The following PELI2 variants were observed in gnomAD, a reference collection of about 807,000 sequenced individuals.
PELI2 encodes E3 ubiquitin-protein ligase pellino homolog 2.
In PELI2, 23 loss-of-function variants were observed where a neutral mutation model predicts 42.3. The observed-to-expected ratio is 0.54, with a 90% CI of 0.39 to 0.77. The LOEUF (loss-of-function observed/expected upper bound fraction) is 0.77. PELI2 is among the 30% of genes least tolerant of loss of function. The probability of loss-of-function intolerance (pLI) is 0.00; values close to 1 mark genes in which losing one functional copy is unlikely to be tolerated. For synonymous variants in PELI2, 245 were observed against 212.2 expected (o/e 1.15, Z -1.34); for missense variants, 463 against 553.2 (o/e 0.84, Z 1.64).
chr14:56,257,087 C>T (rs1888552385), intron 2 of PELI2, among the ~76,000 whole-genome samples: 1 of 152,086 alleles, frequency 6.6e-6, no homozygotes. Flanking sequence ...ATATAGTGGG[C>T]ATCAAGGGCA....
intron 2 of PELI2, among the ~76,000 whole-genome samples, chr14:56,221,109 A>C (rs1887116853): frequency 6.6e-6 from 1 of 152,178 alleles, no homozygotes; most frequent in African/African-American, 2.4e-5. Flanking sequence ...CCGAAGTTGC[A>C]TTTCATAGAC....
At chr14:56,259,044 C>T (rs558047546) in intron 2 of PELI2, among the ~76,000 whole-genome samples, 1 of 151,914 alleles carries the variant, frequency 6.6e-6, no homozygotes, top group South Asian at 2.1e-4. Context: ...AGACCATGGA[C>T]CAACATCTTT....
intron 2 of PELI2, among the ~76,000 whole-genome samples, chr14:56,261,035 A>ATT (rs796161866): frequency 4.8e-5 from 7 of 144,988 alleles, no homozygotes; most frequent in East Asian, 2.0e-4. Flanking sequence ...GGATTGAGGT[A>ATT]TTTTTTTTTT....
At chr14:56,244,914 A>G (rs913583831) in intron 2 of PELI2, among the ~76,000 whole-genome samples, 16 of 152,228 alleles carry the variant, frequency 1.1e-4, no homozygotes, top group Non-Finnish European at 2.2e-4. Flanking sequence ...GAAATAAGAA[A>G]TAGAATTTTT....
In PELI2 at chr14:56,268,872, C is replaced by T. The variant is rs184729492; in HGVS notation, c.208-10804C>T. On this transcript the variant is annotated intron_variant, in intron 2 of 5. Transcript: ENST00000267460. ...TTTCAGATCTGCACCCCTGCTGCAT[C>T]GTCTCATGCTTTGTAGGGAGCTGCT... 2.2e-3 allele frequency among the ~76,000 whole-genome samples: 329 copies of T among 152,206 alleles called. 5 individuals carry two copies. The highest frequency in any genetic ancestry group is 1.7e-3 in the Non-Finnish European group (117 of 68,004).
intron 1 of PELI2, among the ~76,000 whole-genome samples, chr14:56,170,834 A>G (rs1263269958): frequency 6.6e-6 from 1 of 152,226 alleles, no homozygotes; most frequent in Non-Finnish European, 1.5e-5. Flanking sequence ...TGCTCTGCAT[A>G]TATGAAGAGT....
intron 2 of PELI2, among the ~76,000 whole-genome samples, chr14:56,268,861 C>G (rs559446938): frequency 6.6e-6 from 1 of 152,224 alleles, no homozygotes; most frequent in East Asian, 1.9e-4. Flanking sequence ...AGATCTGCAC[C>G]CCTGCTGCAT....
intron 1 of PELI2, 136 bp from the exon 2 acceptor site, chr14:56,178,199 T>C: frequency 1.3e-6 from 1 of 790,592 alleles, no homozygotes; most frequent in Non-Finnish European, 2.0e-6. Flanking sequence ...ATTGCAACCC[T>C]TTCCTTTTGT....
intron 2 of PELI2, among the ~76,000 whole-genome samples, chr14:56,272,818 G>A (rs776010431): frequency 7.2e-5 from 11 of 152,194 alleles, no homozygotes; most frequent in African/African-American, 2.4e-4. Context: ...CATAGACCCT[G>A]CTCTGTGTAG....
At chr14:56,123,883 G>C (rs1883152016) in intron 1 of PELI2, among the ~76,000 whole-genome samples, 1 of 152,244 alleles carries the variant, frequency 6.6e-6, no homozygotes, top group African/African-American at 2.4e-5. Context: ...TATATCTGCT[G>C]TGCAGGGCTT....
chr14:56,263,222 A>C (rs1431279957), intron 2 of PELI2, among the ~76,000 whole-genome samples: 3 of 152,100 alleles, frequency 2.0e-5, no homozygotes, highest in Admixed American at 2.0e-4. Flanking sequence ...TGGCCTCCCA[A>C]AGTGCTGGGA....
intron 2 of PELI2, among the ~76,000 whole-genome samples, chr14:56,258,141 C>T (rs1456158629): frequency 2.0e-5 from 3 of 152,128 alleles, no homozygotes; most frequent in Admixed American, 6.5e-5. Flanking sequence ...AGAGTGTCAC[C>T]TTAGTAATGA....
chr14:56,265,994 A>G (rs1377648358), intron 2 of PELI2, among the ~76,000 whole-genome samples: 3 of 152,066 alleles, frequency 2.0e-5, no homozygotes, highest in Admixed American at 2.0e-4. Context: ...AGATAAGTGA[A>G]TGAACAAATT....
chr14:56,298,713 T>TA lies in PELI2; in HGVS notation c.*1548dup, dbSNP rs1218004337. 6.5e-6 allele frequency: 1 copy of TA among 152,696 alleles called. No individual in the cohort carries two copies. Among genetic ancestry groups the TA allele is most frequent in the Admixed American group, 6.5e-5 (1 of 15,290 alleles). 9.5% of individuals were successfully genotyped at this position (152,696 alleles called of 1,614,324 possible). A position where few individuals can be genotyped will look rare whatever the true frequency, so the allele number is the denominator to read the frequency against. On this transcript the variant is annotated 3_prime_UTR_variant, in exon 6 of 6. Transcript: ENST00000267460. ...TTGAATACGCTTTTCCTTAAAGTGA[T>TA]ACGATAATATTACTCTTGATTGCTG...
At chr14:56,169,837 T>C (rs1594605583) in intron 1 of PELI2, among the ~76,000 whole-genome samples, 1 of 152,198 alleles carries the variant, frequency 6.6e-6, no homozygotes, top group Non-Finnish European at 1.5e-5. Flanking sequence ...TTTCTGGGCT[T>C]TATAGTCCAT....
intron 2 of PELI2, among the ~76,000 whole-genome samples, chr14:56,207,167 T>C (rs1024061607): frequency 6.6e-6 from 1 of 152,210 alleles, no homozygotes; most frequent in African/African-American, 2.4e-5. Flanking sequence ...AGATTACTAG[T>C]ATTAATAAAT....
At chr14:56,120,273 G>T (rs534502884) in intron 1 of PELI2, among the ~76,000 whole-genome samples, 1 of 152,308 alleles carries the variant, frequency 6.6e-6, no homozygotes, top group East Asian at 1.9e-4. Flanking sequence ...TGTGTGGCTG[G>T]CTTCAGTGTG....
intron 2 of PELI2, among the ~76,000 whole-genome samples, chr14:56,261,731 C>CA (rs1322277955): frequency 6.6e-6 from 1 of 152,122 alleles, no homozygotes; most frequent in African/African-American, 2.4e-5. Context: ...ACAATACATG[C>CA]AAAAACACTA....
intron 1 of PELI2, among the ~76,000 whole-genome samples, chr14:56,119,526 C>G (rs1882986376): frequency 6.6e-6 from 1 of 152,238 alleles, no homozygotes; most frequent in African/African-American, 2.4e-5. Context: ...GGCTCCCTCT[C>G]TGCTGGTGAA....
Sources: gnomAD v4.1 joint callset for allele counts (sites outside exome capture counted in the v4.1 genomes callset) on GRCh38, gnomAD v4.1.1 for gene constraint, MANE v1.5 for transcripts, NCBI Gene and HGNC (gene_info 2026-07-23, HGNC 2026-07-21) for gene names.